FRMPD4: variants seen among roughly 807,000 people sequenced by gnomAD.
FRMPD4 encodes FERM and PDZ domain containing 4, also known as FERM and PDZ domain-containing protein 4.
In FRMPD4, 22 loss-of-function variants were observed where a neutral mutation model predicts 94.1. That is an observed-to-expected ratio of 0.23 (90% CI 0.17 to 0.33). The LOEUF (loss-of-function observed/expected upper bound fraction) is 0.33. Among genes scored for constraint, FRMPD4 ranks in the 10% least tolerant of loss-of-function variants. The pLI, the probability that FRMPD4 is intolerant of heterozygous loss-of-function variation, is 1.00. For missense variants in FRMPD4, 1,111 were observed against 1,339.9 expected (o/e 0.83, Z 2.67); for synonymous variants, 631 against 548.6 (o/e 1.15, Z -2.10).
At chrX:12,575,719 C>G (rs1173664993) in intron 2 of FRMPD4, among the ~76,000 whole-genome samples, 1 of 111,621 alleles carries the variant, frequency 9.0e-6, no homozygotes, top group East Asian at 2.8e-4. Context: ...TCACAAGGGT[C>G]CTTAAATGTG....
intron 1 of FRMPD4, among the ~76,000 whole-genome samples, chrX:12,365,128 C>T (rs909820785): frequency 8.9e-6 from 1 of 112,396 alleles, no homozygotes; most frequent in South Asian, 3.7e-4. Flanking sequence ...GAAGCAGAAA[C>T]CTGAAACTGG....
intron 1 of FRMPD4, among the ~76,000 whole-genome samples, chrX:12,191,371 C>T (rs970998023): frequency 2.7e-5 from 3 of 111,788 alleles, no homozygotes; most frequent in African/African-American, 9.7e-5. Flanking sequence ...TCTTACCATA[C>T]GATCCAGCAA....
At chrX:11,972,487 G>T (rs759599688) in intron 3 of FRMPD4, among the ~76,000 whole-genome samples, 1 of 112,138 alleles carries the variant, frequency 8.9e-6, no homozygotes, top group Non-Finnish European at 1.9e-5. Context: ...AAAATAAATT[G>T]AAATTGTCCA....
chrX:12,661,121 C>T (rs868420607), intron 4 of FRMPD4, among the ~76,000 whole-genome samples: 3 of 95,631 alleles, frequency 3.1e-5, no homozygotes, highest in African/African-American at 1.3e-4. Flanking sequence ...CTATCTCTAT[C>T]TCTACAATAT....
intron 2 of FRMPD4, among the ~76,000 whole-genome samples, chrX:11,874,253 C>T (rs772535648): frequency 4.5e-5 from 5 of 112,126 alleles, no homozygotes; most frequent in East Asian, 2.8e-4. Flanking sequence ...AAGGCTCAGG[C>T]GATCCTCCTG....
intron 1 of FRMPD4, among the ~76,000 whole-genome samples, chrX:12,182,577 A>AATAAAT (rs1408144085): frequency 9.7e-4 from 104 of 107,167 alleles, no homozygotes; most frequent in African/African-American, 2.9e-3. Context: ...TAAATAAATA[A>AATAAAT]ATATATATAT....
chrX:12,343,337 C>T (rs758933885), intron 1 of FRMPD4, among the ~76,000 whole-genome samples: 6 of 111,724 alleles, frequency 5.4e-5, no homozygotes, highest in Non-Finnish European at 1.1e-4. Flanking sequence ...CAGCAGAGCC[C>T]GGGTGAATGA....
chrX:12,093,568 C>T (rs2055172357), intron 3 of FRMPD4, among the ~76,000 whole-genome samples: 1 of 104,694 alleles, frequency 9.6e-6, no homozygotes, highest in Non-Finnish European at 2.0e-5. Context: ...CCAAAGTCTG[C>T]CTAGCTTTCT....
intron 1 of FRMPD4, among the ~76,000 whole-genome samples, chrX:12,391,809 C>T (rs776967152): frequency 1.4e-4 from 15 of 110,903 alleles, no homozygotes; most frequent in African/African-American, 2.0e-4. Context: ...ACATTTCTGG[C>T]TACAAGGAGT....
intron 2 of FRMPD4, among the ~76,000 whole-genome samples, chrX:11,871,747 GCA>G (rs2147306236): frequency 8.9e-6 from 1 of 111,829 alleles, no homozygotes; most frequent in Admixed American, 9.5e-5. Context: ...TGGACCTAAA[GCA>G]CAGTGTCCAG....
intron 2 of FRMPD4, among the ~76,000 whole-genome samples, chrX:12,595,596 G>T (rs1165607756): frequency 8.9e-6 from 1 of 112,039 alleles, no homozygotes; most frequent in Non-Finnish European, 1.9e-5. Flanking sequence ...GAAAATTTGA[G>T]CTATTGTGAG....
intron 2 of FRMPD4, among the ~76,000 whole-genome samples, chrX:12,541,721 T>C (rs1363343654): frequency 8.9e-6 from 1 of 111,807 alleles, no homozygotes; most frequent in East Asian, 2.8e-4. Flanking sequence ...AAAGAGGGAA[T>C]CCTCCCTAAT....
intron 1 of FRMPD4, among the ~76,000 whole-genome samples, chrX:12,245,095 G>A (rs2053935750): frequency 8.9e-6 from 1 of 112,536 alleles, no homozygotes; most frequent in South Asian, 3.7e-4. Flanking sequence ...TACATAATTG[G>A]ATGTATAGTG....
intron 3 of FRMPD4, among the ~76,000 whole-genome samples, chrX:12,043,130 G>A (rs748332478): frequency 9.0e-6 from 1 of 111,545 alleles, no homozygotes; most frequent in Non-Finnish European, 1.9e-5. Flanking sequence ...CTCTGAAATG[G>A]TTGTTTGTGA....
intron 3 of FRMPD4, among the ~76,000 whole-genome samples, chrX:11,892,352 A>C (rs968535655): frequency 8.9e-6 from 1 of 112,193 alleles, no homozygotes; most frequent in Non-Finnish European, 1.9e-5. Context: ...TGAAATGACA[A>C]AGCATTTCTG....
At chrX:12,020,004 A>G (rs1028113937) in intron 3 of FRMPD4, among the ~76,000 whole-genome samples, 2 of 112,036 alleles carry the variant, frequency 1.8e-5, no homozygotes, top group African/African-American at 6.5e-5. Flanking sequence ...AGAGAAAATA[A>G]GTAACTTTCC....
At chrX:12,475,626 A>G (rs944709806) in intron 1 of FRMPD4, among the ~76,000 whole-genome samples, 1 of 112,203 alleles carries the variant, frequency 8.9e-6, no homozygotes, top group African/African-American at 3.2e-5. Flanking sequence ...CTCACGATAC[A>G]AAATCATTGT....
rs1005971212 is a variant in FRMPD4, at chrX:12,333,016, C to T, written c.42-165664C>T. On this transcript the variant is annotated intron_variant, in intron 1 of 16. Coordinates refer to ENST00000675598, the MANE Select transcript of FRMPD4 (RefSeq NM_001368397.1). The stretch of plus-strand genomic sequence containing the variant: ...TTTGTGGTTTCCCATCGTACTAAGG[C>T]ACTATGGTATATTTTTCCTAACTAC... Among the ~76,000 whole-genome samples, 7 of 111,910 alleles carry T rather than the reference C, an allele frequency of 6.3e-5. No individual in the cohort carries two copies. In the Admixed American group the frequency reaches 6.7e-4, roughly 11 times the overall value.
chrX:12,656,628 A>G (rs1037250647), intron 4 of FRMPD4, among the ~76,000 whole-genome samples: 7 of 112,489 alleles, frequency 6.2e-5, no homozygotes, highest in African/African-American at 2.3e-4. Context: ...TTACAATTGT[A>G]TTCATATAAT....
Sources: allele counts gnomAD v4.1 joint callset (sites outside exome capture counted in the v4.1 genomes callset), GRCh38; gene constraint gnomAD v4.1.1; transcripts MANE v1.5; gene names NCBI Gene and HGNC (gene_info 2026-07-23, HGNC 2026-07-21).